The following MIDEAS variants were observed in gnomAD, a reference collection of about 807,000 sequenced individuals.
The protein encoded by MIDEAS is mitotic deacetylase-associated SANT domain protein.
Under a neutral mutation model 102.7 loss-of-function variants are expected in MIDEAS, and 26 were observed. The observed-to-expected ratio is 0.25, with a 90% confidence interval of 0.19 to 0.35. The LOEUF is 0.35. Ranked by LOEUF, MIDEAS falls within the 10% of genes least tolerant of loss-of-function variation. MIDEAS has a pLI of 1.00. For synonymous variants in MIDEAS, 585 were observed against 591.0 expected (o/e 0.99, Z 0.15); for missense variants, 1,231 against 1,435.6 (o/e 0.86, Z 2.30).
intron 12 of MIDEAS, 88 bp downstream of exon 12, chr14:73,719,216 AC>A: frequency 6.8e-7 from 1 of 1,481,228 alleles, no homozygotes; most frequent in Non-Finnish European, 9.0e-7. Context: ...CACCGCCTGT[AC>A]CTCTTCCCCC....
chr14:73,733,084 C>T (rs1473144051), intron 3 of MIDEAS, among the ~76,000 whole-genome samples: 1 of 151,690 alleles, frequency 6.6e-6, no homozygotes, highest in Non-Finnish European at 1.5e-5. Flanking sequence ...AAGGGCGAAA[C>T]CCCGTCTCAA....
rs76405516 is a variant in MIDEAS at position 73,756,940 on chromosome 14, A to T, written c.-248+2823T>A. On this transcript the variant is annotated intron_variant, in intron 1 of 12. Transcript: ENST00000423556. ...TGGGCCCAACACATGACAAGTACAC[A>T]TTTTTTTTGATGGAGATCTTTCACT... is the stretch of plus-strand genomic sequence containing the variant. Among the ~76,000 whole-genome samples, 3 of 151,968 alleles carry T rather than the reference A, an allele frequency of 2.0e-5. No individual in the cohort carries two copies. In the East Asian group the frequency reaches 5.8e-4, roughly 29 times the overall value.
intron 12 of MIDEAS, 78 bp downstream of exon 12, chr14:73,719,227 C>CGG: frequency 1.4e-6 from 2 of 1,468,964 alleles, no homozygotes; most frequent in Non-Finnish European, 1.8e-6. Flanking sequence ...CCTCTTCCCC[C>CGG]TCCCCTCCAC....
At chr14:73,740,359 C>T in intron 1 of MIDEAS, 104 bp from the exon 2 acceptor site, 1 of 398,594 alleles carries the variant, frequency 2.5e-6, no homozygotes, top group Non-Finnish European at 4.4e-6. Flanking sequence ...TCGGTCCCAC[C>T]ACCTCATATC....
intron 1 of MIDEAS, among the ~76,000 whole-genome samples, chr14:73,771,652 G>T (rs2140168693): frequency 6.6e-6 from 1 of 152,352 alleles, no homozygotes; most frequent in East Asian, 1.9e-4. Flanking sequence ...CAGCTGCTCA[G>T]CGCCACACCC....
chr14:73,729,936 G>A lies in MIDEAS; in HGVS notation c.1799C>T (p.Pro600Leu). The A allele has an allele frequency of 6.2e-7, 1 of 1,605,004 alleles. No individual in the cohort carries two copies. ...GGGCTCGGGCCTGGGCCGCTGCTTT[G>A]GTTTCCGCACGGAAGGCTCCCCCTC... ...KLEGEPSVRK[P>L]KQRPRPEPLI... is the part of the protein sequence containing the mutation. Residue 600 changes from proline to leucine, a missense_variant, in exon 4 of 13, where the codon CCA (proline) becomes CTA (leucine). Physicochemically the swap from Pro to Leu is moderately conservative, Grantham distance 98. Coordinates refer to ENST00000423556, the MANE Select transcript of MIDEAS (RefSeq NM_001367710.1).
intron 1 of MIDEAS, among the ~76,000 whole-genome samples, chr14:73,747,386 C>T (rs1222538511): frequency 6.6e-6 from 1 of 152,122 alleles, no homozygotes; most frequent in Admixed American, 6.5e-5. Flanking sequence ...CAAAGAAACA[C>T]CTTTGTAAAA....
rs1357419471 is a variant in MIDEAS at position 73,717,936 on chromosome 14, C to CA, written c.*906_*907insT. 6.6e-6 allele frequency: 1 copy of CA among 151,338 alleles called. No individual in the cohort carries two copies. Among genetic ancestry groups the CA allele is most frequent in the African/African-American group, 2.4e-5 (1 of 41,102 alleles). 9.4% of individuals were successfully genotyped at this position (151,338 alleles called of 1,614,324 possible). A position where few individuals can be genotyped will look rare whatever the true frequency, so the allele number is the denominator to read the frequency against. Reference sequence around the variant, plus strand: ...TCAGAGCAGAGGCAAGGAGGCTGGCCCCAGGAGGGGCAGGCTGAGCCTCTC... The same window carrying CA: ...TCAGAGCAGAGGCAAGGAGGCTGGCCACCAGGAGGGGCAGGCTGAGCCTCTC... On this transcript the variant is annotated 3_prime_UTR_variant, in exon 13 of 13. Coordinates refer to ENST00000423556, the MANE Select transcript of MIDEAS (RefSeq NM_001367710.1).
chr14:73,764,357 A>AC, upstream of MIDEAS, among the ~76,000 whole-genome samples: 4 of 151,278 alleles, frequency 2.6e-5, no homozygotes, highest in East Asian at 2.0e-4. Context: ...AAAAAAAAAA[A>AC]AAAAAACAAA....
upstream of MIDEAS, among the ~76,000 whole-genome samples, chr14:73,763,459 C>T (rs1186568928): frequency 6.6e-6 from 1 of 152,214 alleles, no homozygotes; most frequent in Non-Finnish European, 1.5e-5. Context: ...CAGCCACCTT[C>T]CTCCAATAAG....
chr14:73,745,233 C>T (rs924811783), intron 1 of MIDEAS, among the ~76,000 whole-genome samples: 2 of 152,138 alleles, frequency 1.3e-5, no homozygotes. Flanking sequence ...GCCCTCTACA[C>T]CTATGTGGAA....
chr14:73,732,653 G>A (rs1424569446), intron 3 of MIDEAS, among the ~76,000 whole-genome samples: 1 of 151,530 alleles, frequency 6.6e-6, no homozygotes, highest in East Asian at 1.9e-4. Flanking sequence ...GGGCATGGTG[G>A]TGGGCGCCTG....
At chr14:73,724,960 C>T (rs1331546014) in intron 9 of MIDEAS, 2 of 274,168 alleles carry the variant, frequency 7.3e-6, no homozygotes, top group Non-Finnish European at 1.5e-5. Flanking sequence ...GAATGGCTCA[C>T]CTCTACTTGC....
chr14:73,756,295 T>TGTGTGTGTGTGTGTGTGTGTGTGTGCGC (rs55692592), intron 1 of MIDEAS, among the ~76,000 whole-genome samples: 2 of 127,626 alleles, frequency 1.6e-5, no homozygotes, highest in African/African-American at 2.7e-5. Context: ...TGTGTGTGTG[T>TGTGTGTGTGTGTGTGTGTGTGTGTGCGC]GCGCGCGCGC....
chr14:73,752,374 G>A (rs185617012), intron 1 of MIDEAS, among the ~76,000 whole-genome samples: 1 of 152,138 alleles, frequency 6.6e-6, no homozygotes, highest in Non-Finnish European at 1.5e-5. Context: ...TCTGGGGGAG[G>A]TAAAGCAGGG....
chr14:73,758,276 C>G (rs1366061552), intron 1 of MIDEAS, among the ~76,000 whole-genome samples: 1 of 152,246 alleles, frequency 6.6e-6, no homozygotes, highest in African/African-American at 2.4e-5. Flanking sequence ...TCTGAAGCCA[C>G]TTAACACCCA....
chr14:73,760,743 A>G (rs2053547442), upstream of MIDEAS, among the ~76,000 whole-genome samples: 1 of 152,066 alleles, frequency 6.6e-6, no homozygotes, highest in Non-Finnish European at 1.5e-5. This position sits in a 1 kb window ranked among gnomAD's most constrained non-coding sequence, Gnocchi z 4.8. Flanking sequence ...TGGTGCGTGT[A>G]AAGGTTATTG....
At chr14:73,766,377 ATATT>A (rs1419273477) in intron 1 of MIDEAS, among the ~76,000 whole-genome samples, 1 of 152,208 alleles carries the variant, frequency 6.6e-6, no homozygotes, top group Non-Finnish European at 1.5e-5. Context: ...GTATATGTGA[ATATT>A]TAAAGTAAGC....
intron 1 of MIDEAS, among the ~76,000 whole-genome samples, chr14:73,771,499 T>C (rs539195309): frequency 6.6e-6 from 1 of 152,048 alleles, no homozygotes; most frequent in Non-Finnish European, 1.5e-5. Context: ...AAATAGACAC[T>C]CCACGTGTTA....
Sources: allele counts gnomAD v4.1 joint callset (sites outside exome capture counted in the v4.1 genomes callset), GRCh38; gene constraint gnomAD v4.1.1; non-coding constraint Gnocchi (gnomAD v3.1); transcripts MANE v1.5; gene names NCBI Gene and HGNC (gene_info 2026-07-23, HGNC 2026-07-21).